Variants in SKAP1 observed in about 807,000 individuals in gnomAD.
SKAP1 encodes src kinase associated phosphoprotein 1.
A neutral mutation model predicts 58.5 loss-of-function variants in SKAP1; 44 were observed. The ratio of observed to expected loss-of-function variants is 0.75; its 90% confidence interval spans 0.59 to 0.97. The LOEUF (loss-of-function observed/expected upper bound fraction) is 0.97, where lower values mean the gene tolerates loss of function less well. Ranked by LOEUF, SKAP1 falls within the 50% of genes least tolerant of loss-of-function variation. The pLI, the probability that SKAP1 is intolerant of heterozygous loss-of-function variation, is 0.00. For missense variants in SKAP1, 390 were observed against 435.2 expected (o/e 0.90, Z 0.92); for synonymous variants, 127 against 149.7 (o/e 0.85, Z 1.11).
rs1469431660 is a variant in SKAP1, at chr17:48,149,635, T to A, written c.979-12298A>T. ...AGCCAGATCCACCTGCTTTTCACCC[T>A]ACCCTCGGTGGGGTCATGGTAAGGT... On this transcript the variant is annotated intron_variant, in intron 11 of 12. Coordinates refer to ENST00000336915, the MANE Select transcript of SKAP1 (RefSeq NM_003726.4). 1.3e-5 allele frequency among the ~76,000 whole-genome samples: 2 copies of A among 152,120 alleles called. 1 individual carries two copies. The highest frequency in any genetic ancestry group is 1.3e-4 in the Admixed American group (2 of 15,270).
chr17:48,409,408 C>T (rs1405031191), intron 1 of SKAP1, among the ~76,000 whole-genome samples: 3 of 152,230 alleles, frequency 2.0e-5, no homozygotes, highest in South Asian at 2.1e-4. Flanking sequence ...CTCACGCCTA[C>T]AATCCCAGCA....
intron 2 of SKAP1, among the ~76,000 whole-genome samples, chr17:48,391,141 A>C (rs1250050918): frequency 1.3e-5 from 2 of 152,214 alleles, no homozygotes; most frequent in African/African-American, 4.8e-5. Flanking sequence ...ACTTCAATCT[A>C]AAATCTTAAA....
At chr17:48,349,157 T>A (rs1370725429) in intron 3 of SKAP1, among the ~76,000 whole-genome samples, 1 of 152,228 alleles carries the variant, frequency 6.6e-6, no homozygotes, top group African/African-American at 2.4e-5. Flanking sequence ...AAAAGTTTTA[T>A]AGAAGAACAG....
chr17:48,221,456 A>C (rs2143728717), intron 4 of SKAP1, among the ~76,000 whole-genome samples: 1 of 152,338 alleles, frequency 6.6e-6, no homozygotes, highest in African/African-American at 2.4e-5. Context: ...TTTCTCCTTG[A>C]GTAAAGTTTG....
At position 48,187,855 on chromosome 17, in the gene SKAP1, C is replaced by A. The variant is rs773010910; in HGVS notation, c.430G>T (p.Ala144Ser). The change falls in exon 6 of 13, where the codon GCT (alanine) becomes TCT (serine). Residue 144 changes from alanine to serine, a missense_variant. Ala to Ser is a moderately conservative substitution (Grantham distance 99). Transcript: ENST00000336915. ...GAAGAACACTTACTCTTCTCATTAG[C>A]ATAGTAGTAGAAGAGACCTCTGCTG... is the stretch of plus-strand genomic sequence containing the variant. ...VVSRGLFYYY[A>S]NEKSKQPKGT... 6.2e-7 allele frequency: 1 copy of A among 1,608,704 alleles called. No homozygotes were observed. The highest frequency in any genetic ancestry group is 8.5e-7 in the Non-Finnish European group (1 of 1,175,184).
rs1381923065 is a variant in SKAP1, at chr17:48,177,428, A to G, written c.826+2626T>C. Among the ~76,000 whole-genome samples the G allele has an allele frequency of 5.9e-5, 9 of 152,140 alleles. No homozygotes were observed. In the South Asian group the frequency reaches 1.0e-3, roughly 17 times the overall value. ...AGCACATCCATCTGAGACAGCTACT[A>G]TTGTTTTCCCTGTTTTGCAGGTAAT... On this transcript the variant is annotated intron_variant, in intron 9 of 12. Transcript: ENST00000336915.
intron 4 of SKAP1, among the ~76,000 whole-genome samples, chr17:48,205,003 T>C (rs2064784893): frequency 2.7e-5 from 1 of 37,050 alleles, no homozygotes; most frequent in African/African-American, 1.2e-4. Flanking sequence ...CTTTCTTTCT[T>C]TCTTTCTTTC....
chr17:48,398,541 G>A (rs185701214), intron 1 of SKAP1, among the ~76,000 whole-genome samples: 54 of 151,450 alleles, frequency 3.6e-4, no homozygotes, highest in African/African-American at 8.5e-4. Flanking sequence ...CCCCACCCCC[G>A]GTCCATGGAA....
chr17:48,231,647 G>A (rs1315231702), intron 4 of SKAP1, among the ~76,000 whole-genome samples: 1 of 152,092 alleles, frequency 6.6e-6, no homozygotes, highest in Non-Finnish European at 1.5e-5. Flanking sequence ...GGAGTACTAG[G>A]ACCCACAAGC....
intron 4 of SKAP1, among the ~76,000 whole-genome samples, chr17:48,296,694 C>A (rs575800537): frequency 1.1e-4 from 16 of 152,120 alleles, no homozygotes; most frequent in African/African-American, 3.9e-4. Context: ...GACACTGGCA[C>A]ACATTCACTG....
intron 12 of SKAP1, among the ~76,000 whole-genome samples, chr17:48,134,618 A>G (rs1029356344): frequency 2.6e-5 from 4 of 152,110 alleles, no homozygotes; most frequent in Admixed American, 6.6e-5. Flanking sequence ...GCCTGGCCAG[A>G]TAAATTCTTA....
At chr17:48,397,241 G>T (rs933037170) in intron 1 of SKAP1, among the ~76,000 whole-genome samples, 2 of 152,024 alleles carry the variant, frequency 1.3e-5, no homozygotes, top group South Asian at 2.1e-4. Flanking sequence ...TTCTTTTAGG[G>T]GGGGGATGGA....
chr17:48,253,718 C>T (rs999083517), intron 4 of SKAP1, among the ~76,000 whole-genome samples: 19 of 124,628 alleles, frequency 1.5e-4, no homozygotes, highest in African/African-American at 5.4e-4. Flanking sequence ...CCACCTCATG[C>T]CTTCCTTATC....
intron 11 of SKAP1, among the ~76,000 whole-genome samples, chr17:48,152,706 T>C (rs1053185283): frequency 1.3e-5 from 2 of 152,248 alleles, no homozygotes; most frequent in African/African-American, 4.8e-5. Context: ...AAGATTTATG[T>C]GGTAAAAAAT....
At chr17:48,274,080 T>G (rs2065667667) in intron 4 of SKAP1, among the ~76,000 whole-genome samples, 1 of 152,118 alleles carries the variant, frequency 6.6e-6, no homozygotes, top group South Asian at 2.1e-4. Context: ...TACACCACCA[T>G]GCCTGGCTAA....
chr17:48,174,027 TTTGGGCAACA>T (rs2143399738), intron 9 of SKAP1, among the ~76,000 whole-genome samples: 1 of 152,344 alleles, frequency 6.6e-6, no homozygotes, highest in African/African-American at 2.4e-5. Context: ...CCTTTATTCT[TTTGGGCAACA>T]GCACTTAATC....
chr17:48,430,125 C>T lies in SKAP1; in HGVS notation c.-5G>A. ...AGGGAGGGCGGCGGCCTGCATTTGG[C>T]TGGGCGGGAGAGAGGCGGGACGGGG... is the stretch of plus-strand genomic sequence containing the variant. On this transcript the variant is annotated 5_prime_UTR_variant, in exon 1 of 13. Transcript: ENST00000336915. 7.9e-7 allele frequency: 1 copy of T among 1,260,434 alleles called. No individual in the cohort carries two copies. Among genetic ancestry groups the T allele is most frequent in the Non-Finnish European group, 1.0e-6 (1 of 995,276 alleles). The allele number at this position is 1,260,434 out of a possible 1,614,324, so 78.1% of individuals were successfully genotyped here.
chr17:48,165,987 C>A (rs970829844), intron 10 of SKAP1, among the ~76,000 whole-genome samples: 16 of 152,170 alleles, frequency 1.1e-4, no homozygotes, highest in Admixed American at 1.0e-3. Flanking sequence ...AAACATAACT[C>A]TGCACTAAAT....
intron 11 of SKAP1, among the ~76,000 whole-genome samples, chr17:48,152,510 G>T (rs1460944031): frequency 6.6e-6 from 1 of 152,186 alleles, no homozygotes; most frequent in East Asian, 1.9e-4. Flanking sequence ...TAATAAATGT[G>T]CAGTTGACTC....
Sources: gnomAD v4.1 joint callset for allele counts (sites outside exome capture counted in the v4.1 genomes callset) on GRCh38, gnomAD v4.1.1 for gene constraint, MANE v1.5 for transcripts, NCBI Gene and HGNC (gene_info 2026-07-23, HGNC 2026-07-21) for gene names.